OTOGL: variants seen among roughly 807,000 people sequenced by gnomAD.
OTOGL encodes the protein otogelin-like protein.
A neutral mutation model predicts 318.5 loss-of-function variants in OTOGL; 285 were observed. The ratio of observed to expected loss-of-function variants is 0.89; its 90% CI spans 0.81 to 0.99. OTOGL has a LOEUF of 0.99. Ranked by LOEUF, OTOGL falls within the 50% of genes least tolerant of loss-of-function variation. The pLI, the probability that OTOGL is intolerant of heterozygous loss-of-function variation, is 0.00. For missense variants in OTOGL, 2,899 were observed against 2,845.6 expected, an observed-to-expected ratio of 1.02 and a Z score of -0.43; for synonymous variants, 987 against 936.5, an observed-to-expected ratio of 1.05 and a Z score of -0.99.
At chr12:80,347,146 T>A (rs1889246437) in intron 44 of OTOGL, among the ~76,000 whole-genome samples, 1 of 152,138 alleles carries the variant, frequency 6.6e-6, no homozygotes, top group African/African-American at 2.4e-5. Flanking sequence ...ACATCTTTTT[T>A]TTTTAAATTA....
At chr12:80,275,820 G>A (rs1331058648) in intron 24 of OTOGL, among the ~76,000 whole-genome samples, 1 of 151,568 alleles carries the variant, frequency 6.6e-6, no homozygotes, top group Non-Finnish European at 1.5e-5. Context: ...GCTCCTTGAA[G>A]GCTCAGATGA....
At chr12:80,252,274 C>G in intron 13 of OTOGL, 73 bp downstream of exon 13, 3 of 1,423,526 alleles carry the variant, frequency 2.1e-6, no homozygotes, top group Non-Finnish European at 2.8e-6. Flanking sequence ...ATCACATCTT[C>G]GTTTTGCTGT....
At chr12:80,145,908 T>A (rs1872319886) in intron 1 of OTOGL, among the ~76,000 whole-genome samples, 1 of 151,208 alleles carries the variant, frequency 6.6e-6, no homozygotes, top group Admixed American at 6.6e-5. Flanking sequence ...ACATTGATTT[T>A]GTATCCTGAG....
At chr12:80,169,545 G>A (rs767511292) in intron 1 of OTOGL, among the ~76,000 whole-genome samples, 2 of 152,120 alleles carry the variant, frequency 1.3e-5, no homozygotes, top group African/African-American at 4.8e-5. Flanking sequence ...TTTACATAGT[G>A]TGACACAATT....
chr12:80,110,862 CCCA>C (rs1230917039), intron 1 of OTOGL, among the ~76,000 whole-genome samples: 1 of 152,214 alleles, frequency 6.6e-6, no homozygotes, highest in East Asian at 1.9e-4. Flanking sequence ...AATTTACACT[CCCA>C]CCAACAGTGT....
rs147409915 is a variant in OTOGL, at chr12:80,155,554, A to G, written c.-19-53859A>G. On this transcript the variant is annotated intron_variant, in intron 1 of 58. Coordinates refer to ENST00000547103, the MANE Select transcript of OTOGL (RefSeq NM_001378609.3). ...ATGTTTTGATGCAGGCATGCAATGC[A>G]TAATAATCACATCAAGTAATATGGG... Among the ~76,000 whole-genome samples the G allele has an allele frequency of 1.1e-3, 169 of 152,356 alleles. 4 individuals are homozygous for G. In the East Asian group the frequency reaches 0.03, roughly 27 times the overall value.
At chr12:80,372,352 T>A (rs1234303188) in intron 57 of OTOGL, among the ~76,000 whole-genome samples, 2 of 152,026 alleles carry the variant, frequency 1.3e-5, no homozygotes, top group Non-Finnish European at 1.5e-5. Flanking sequence ...ATTTAAATAT[T>A]TTTTTATTGT....
chr12:80,208,129 G>A (rs1876951715), intron 1 of OTOGL: 1 of 477,462 alleles, frequency 2.1e-6, no homozygotes, highest in African/African-American at 2.0e-5. Context: ...AAATTTGGAT[G>A]TATTTTCATG....
Position 80,296,826 on chromosome 12 carries a change from G to C in OTOGL, c.2929-1G>C. 1 of 1,457,194 alleles carries C rather than the reference G, an allele frequency of 6.9e-7. No individual in the cohort carries two copies. Among genetic ancestry groups the C allele is most frequent in the Non-Finnish European group, 9.2e-7 (1 of 1,092,564 alleles). The allele number at this position is 1,457,194 out of a possible 1,614,324, so 90.3% of individuals were successfully genotyped here. A position where few individuals can be genotyped will look rare whatever the true frequency, so the allele number is the denominator to read the frequency against. ...TTAATAAAATATTTGTGACATTTCAGAGTGCAGATGATTCAGATATATCTG... is the reference window on the plus strand; with the variant it reads ...TTAATAAAATATTTGTGACATTTCACAGTGCAGATGATTCAGATATATCTG... On this transcript the variant is annotated splice_acceptor_variant, in intron 26 of 58. Coordinates refer to ENST00000547103, the MANE Select transcript of OTOGL (RefSeq NM_001378609.3). LOFTEE classifies it high-confidence loss of function.
chr12:80,234,340 TTTGAGTAATTGCCA>T (rs1879653382), intron 9 of OTOGL, among the ~76,000 whole-genome samples: 1 of 152,060 alleles, frequency 6.6e-6, no homozygotes, highest in Non-Finnish European at 1.5e-5. Flanking sequence ...TAGATAAGTG[TTTGAGTAATTGCCA>T]TTGAAGCTGT....
At chr12:80,226,609 A>G (rs1303317885) in intron 7 of OTOGL, among the ~76,000 whole-genome samples, 1 of 151,950 alleles carries the variant, frequency 6.6e-6, no homozygotes, top group African/African-American at 2.4e-5. Context: ...TCTTTTTGTC[A>G]TCCTACTGGA....
At chr12:80,236,416 G>C (rs1006793496) in intron 9 of OTOGL, among the ~76,000 whole-genome samples, 2 of 152,124 alleles carry the variant, frequency 1.3e-5, no homozygotes, top group Admixed American at 1.3e-4. Flanking sequence ...GATATGGATT[G>C]AAAAATCTCC....
At chr12:80,335,868 A>G (rs1888358277) in intron 38 of OTOGL, 95 bp from the exon 39 acceptor site, 2 of 1,167,848 alleles carry the variant, frequency 1.7e-6, no homozygotes, top group South Asian at 4.2e-5. Context: ...TATTCAATAA[A>G]TGTACACCAT....
chr12:80,223,636 AGTG>A (rs1878562146), intron 7 of OTOGL, among the ~76,000 whole-genome samples: 1 of 152,014 alleles, frequency 6.6e-6, no homozygotes, highest in Admixed American at 6.6e-5. Flanking sequence ...GCAGGAATAA[AGTG>A]GTATTGTATT....
At position 80,229,394 on chromosome 12, in the gene OTOGL, C is replaced by A; in HGVS notation, c.611+16C>A. On this transcript the variant is annotated intron_variant, in intron 8 of 58. Transcript: ENST00000547103. ...ATGGAATCAGGTAGGATATGGGAAA[C>A]AGTGAAATGTCAGTAACACCACAAA... 6.3e-7 allele frequency: 1 copy of A among 1,588,810 alleles called. No homozygotes were observed. Among genetic ancestry groups the A allele is most frequent in the Non-Finnish European group, 8.5e-7 (1 of 1,170,684 alleles).
In OTOGL at chr12:80,313,489, C is replaced by A; in HGVS notation, c.3464C>A (p.Ser1155Tyr). 1 of 1,610,622 alleles carries A rather than the reference C, an allele frequency of 6.2e-7. No individual in the cohort carries two copies. Among genetic ancestry groups the A allele is most frequent in the Non-Finnish European group, 8.5e-7 (1 of 1,177,388 alleles). ...ASCRNVIDVT[S>Y]FAKNCHEDTC... The stretch of plus-strand genomic sequence containing the variant: ...CTCATTTTTCAGATTGACGTTACTT[C>A]TTTTGCCAAAAATTGTCATGAAGAT... Residue 1155 changes from serine (S) to tyrosine (Y), a missense_variant, in exon 31 of 59, where the codon TCT (serine) becomes TAT (tyrosine). Coordinates refer to ENST00000547103, the MANE Select transcript of OTOGL (RefSeq NM_001378609.3).
chr12:80,217,456 A>G (rs959367939), intron 4 of OTOGL, 142 bp from the exon 5 acceptor site: 1 of 639,110 alleles, frequency 1.6e-6, no homozygotes, highest in African/African-American at 1.8e-5. Flanking sequence ...TGGAGATGAT[A>G]AGCCTCAATA....
chr12:80,116,187 C>T (rs1431083572), intron 1 of OTOGL, among the ~76,000 whole-genome samples: 1 of 152,156 alleles, frequency 6.6e-6, no homozygotes, highest in African/African-American at 2.4e-5. Context: ...GTGTAGGCAC[C>T]TGAGGGAATC....
At chr12:80,178,809 C>A (rs547382253) in intron 1 of OTOGL, among the ~76,000 whole-genome samples, 1 of 152,148 alleles carries the variant, frequency 6.6e-6, no homozygotes, top group Non-Finnish European at 1.5e-5. Context: ...CTTTATAAAT[C>A]GTTCTTTTAT....
Sources: allele counts gnomAD v4.1 joint callset (sites outside exome capture counted in the v4.1 genomes callset), GRCh38; gene constraint gnomAD v4.1.1; transcripts MANE v1.5; gene names NCBI Gene and HGNC (gene_info 2026-07-23, HGNC 2026-07-21).